The following TTL variants were observed in gnomAD, a reference collection of about 807,000 sequenced individuals.
TTL encodes the protein tubulin--tyrosine ligase.
Under a neutral mutation model 41.1 loss-of-function variants are expected in TTL, and 10 were observed. The observed-to-expected ratio is 0.24, with a 90% CI of 0.15 to 0.41. The LOEUF is 0.41. TTL is among the 10% of genes least tolerant of loss of function. TTL has a pLI of 1.00. For missense variants in TTL, 367 were observed against 460.4 expected (o/e 0.80, Z 1.86); for synonymous variants, 175 against 175.5 (o/e 1.00, Z 0.02).
intron 4 of TTL, among the ~76,000 whole-genome samples, chr2:112,501,749 C>A (rs1299852869): frequency 1.3e-5 from 2 of 151,818 alleles, no homozygotes; most frequent in African/African-American, 4.8e-5. Flanking sequence ...CACCTGTAAT[C>A]CCATCTACTC....
At chr2:112,489,317 T>C (rs1400609759) in intron 2 of TTL, among the ~76,000 whole-genome samples, 1 of 152,248 alleles carries the variant, frequency 6.6e-6, no homozygotes, top group Non-Finnish European at 1.5e-5. Context: ...AAAAAATGTA[T>C]GGTTGAAGAA....
At chr2:112,527,322 A>G (rs548887641) in intron 6 of TTL, among the ~76,000 whole-genome samples, 2 of 152,316 alleles carry the variant, frequency 1.3e-5, no homozygotes, top group East Asian at 1.9e-4. Flanking sequence ...GTAGATGTCT[A>G]TTAGGTCTGC....
intron 1 of TTL, 151 bp from the exon 2 acceptor site, chr2:112,485,766 C>T (rs1681223539): frequency 1.4e-6 from 1 of 690,660 alleles, no homozygotes. Flanking sequence ...GAAAGAGGGT[C>T]CCTGGGGACA....
intron 3 of TTL, among the ~76,000 whole-genome samples, chr2:112,498,267 G>A (rs930712227): frequency 3.0e-4 from 45 of 152,218 alleles, no homozygotes; most frequent in South Asian, 1.7e-3. Flanking sequence ...AGGTTGCAGT[G>A]AGCTGAGATC....
intron 5 of TTL, among the ~76,000 whole-genome samples, chr2:112,515,021 A>G (rs1356039551): frequency 2.0e-5 from 3 of 152,156 alleles, no homozygotes; most frequent in Admixed American, 6.5e-5. Flanking sequence ...AAACTCACCT[A>G]TTGAGTTCTT....
chr2:112,482,978 G>C lies in TTL; in HGVS notation c.157+477G>C, dbSNP rs1236662560. Among the ~76,000 whole-genome samples, 1 of 152,240 alleles carries C rather than the reference G, an allele frequency of 6.6e-6. No individual in the cohort carries two copies. Among genetic ancestry groups the C allele is most frequent in the African/African-American group, 2.4e-5 (1 of 41,470 alleles). On this transcript the variant is annotated intron_variant, in intron 1 of 6. Coordinates refer to ENST00000233336, the MANE Select transcript of TTL (RefSeq NM_153712.5). The surrounding 1 kb of genome is among the most constrained non-coding windows in gnomAD (Gnocchi z 5.3). ...AGCCGTAGGTGTTGAAACCCCTGAGGCTTCTGCCCCCCGAAGGCGCGGAGG... is the reference window on the plus strand; with the variant it reads ...AGCCGTAGGTGTTGAAACCCCTGAGCCTTCTGCCCCCCGAAGGCGCGGAGG...
intron 4 of TTL, among the ~76,000 whole-genome samples, chr2:112,502,550 T>A (rs1233565245): frequency 1.3e-5 from 2 of 151,832 alleles, no homozygotes; most frequent in Non-Finnish European, 1.5e-5. Context: ...GGCAGGAGAA[T>A]TGCTTGAACC....
intron 1 of TTL, 118 bp from the exon 2 acceptor site, chr2:112,485,799 T>A: frequency 1.1e-6 from 1 of 928,500 alleles, no homozygotes; most frequent in Non-Finnish European, 1.7e-6. Context: ...TGTTCCATTT[T>A]CCATTTTCTA....
intron 3 of TTL, among the ~76,000 whole-genome samples, chr2:112,500,274 AAAATT>A (rs954985897): frequency 6.6e-6 from 1 of 151,590 alleles, no homozygotes; most frequent in Non-Finnish European, 1.5e-5. Context: ...AAACCGTTCT[AAAATT>A]AAACTGTAGT....
At chr2:112,511,108 C>T (rs1681908676) in intron 5 of TTL, among the ~76,000 whole-genome samples, 1 of 152,086 alleles carries the variant, frequency 6.6e-6, no homozygotes. Flanking sequence ...GCCTTAACCT[C>T]CTGGGCTCAA....
chr2:112,498,121 C>G (rs1226052983), intron 3 of TTL, among the ~76,000 whole-genome samples: 1 of 152,058 alleles, frequency 6.6e-6, no homozygotes. Context: ...GTCAGGAGTT[C>G]GAGACCAGTC....
intron 1 of TTL, among the ~76,000 whole-genome samples, chr2:112,484,586 A>G (rs926407906): frequency 2.0e-5 from 3 of 152,070 alleles, no homozygotes; most frequent in African/African-American, 7.2e-5. Context: ...TTTATGGGAA[A>G]GAAAACAGCA....
intron 1 of TTL, among the ~76,000 whole-genome samples, chr2:112,485,194 C>A (rs1022341878): frequency 2.6e-5 from 4 of 152,190 alleles, no homozygotes; most frequent in African/African-American, 9.7e-5. Context: ...AGGTGACTTA[C>A]CCACCTCAGC....
chr2:112,494,309 T>C lies in TTL; in HGVS notation c.403T>C (p.Tyr135His), dbSNP rs1186123518. The change falls in exon 3 of 7, where the codon TAT (tyrosine) becomes CAT (histidine). Residue 135 changes from tyrosine (Y) to histidine (H), a missense_variant. Physicochemically the swap from Tyr to His is moderately conservative, Grantham distance 83. Transcript: ENST00000233336. ...TGAAAGAGAATTCTTTCTCGCCTCT[T>C]ATAACAGAAAGAAAGAGGATGGAGA... ...TDEREFFLAS[Y>H]NRKKEDGEGN... The C allele has an allele frequency of 6.2e-7, 1 of 1,614,178 alleles. No individual in the cohort carries two copies. Among genetic ancestry groups the C allele is most frequent in the Non-Finnish European group, 8.5e-7 (1 of 1,180,034 alleles).
At chr2:112,483,818 G>A (rs1475561464) in intron 1 of TTL, 2 of 152,200 alleles carry the variant, frequency 1.3e-5, no homozygotes, top group African/African-American at 4.8e-5. Context: ...GTGACTCCAT[G>A]GAAGGACCCA....
intron 3 of TTL, among the ~76,000 whole-genome samples, chr2:112,495,675 G>A (rs6542060): frequency 0.39 from 58,701 of 151,822 alleles, 11,634 homozygotes; most frequent in East Asian, 0.58. Flanking sequence ...GTGAAACCCC[G>A]TCTCTACTAA....
chr2:112,516,237 C>T (rs1682065541), intron 5 of TTL, among the ~76,000 whole-genome samples: 1 of 152,114 alleles, frequency 6.6e-6, no homozygotes. Context: ...AGTTGGTAGA[C>T]ATCTGGGTTT....
intron 6 of TTL, among the ~76,000 whole-genome samples, chr2:112,528,365 C>T (rs572895001): frequency 3.3e-5 from 5 of 152,222 alleles, no homozygotes; most frequent in South Asian, 4.1e-4. Flanking sequence ...TTTGGGAGGC[C>T]GAGGTGAGAG....
At chr2:112,492,872 C>G (rs889443551) in intron 2 of TTL, among the ~76,000 whole-genome samples, 2 of 152,036 alleles carry the variant, frequency 1.3e-5, no homozygotes, top group African/African-American at 4.8e-5. Context: ...GCCTGGGAGA[C>G]AGACTGAGAC....
Sources: gnomAD v4.1 joint callset for allele counts (sites outside exome capture counted in the v4.1 genomes callset) on GRCh38, gnomAD v4.1.1 for gene constraint, Gnocchi (gnomAD v3.1) non-coding constraint, MANE v1.5 for transcripts, NCBI Gene and HGNC (gene_info 2026-07-23, HGNC 2026-07-21) for gene names.